The following PCDHAC1 variants were observed in gnomAD, a reference collection of about 807,000 sequenced individuals.
PCDHAC1 encodes protocadherin alpha-C1.
In PCDHAC1, 42 loss-of-function variants were observed where a neutral mutation model predicts 60.0. The ratio of observed to expected loss-of-function variants is 0.70; its 90% CI spans 0.55 to 0.90. The LOEUF (loss-of-function observed/expected upper bound fraction) is 0.90. Among genes scored for constraint, PCDHAC1 ranks in the 40% least tolerant of loss-of-function variants. The pLI is 0.00. For synonymous variants in PCDHAC1, 468 were observed against 499.3 expected (o/e 0.94, Z 0.84); for missense variants, 1,160 against 1,222.3 (o/e 0.95, Z 0.76).
At chr5:140,954,076 C>T (rs941125208) in intron 1 of PCDHAC1, among the ~76,000 whole-genome samples, 4 of 152,150 alleles carry the variant, frequency 2.6e-5, no homozygotes, top group Non-Finnish European at 2.9e-5. Context: ...AGGATAATGG[C>T]TTCCAGCTCC....
At chr5:141,008,488 C>A (rs1300609417) in intron 3 of PCDHAC1, among the ~76,000 whole-genome samples, 1 of 152,124 alleles carries the variant, frequency 6.6e-6, no homozygotes, top group Non-Finnish European at 1.5e-5. Flanking sequence ...CTAGAAGTCA[C>A]TGGTATACTT....
intron 1 of PCDHAC1, chr5:140,966,244 G>C (rs1302762597): frequency 3.2e-6 from 1 of 315,708 alleles, no homozygotes; most frequent in Non-Finnish European, 5.7e-6. Context: ...CGTTAAGCAG[G>C]GGAGAGACGG....
Position 140,928,641 on chromosome 5 carries a change from G to A in PCDHAC1, c.1749G>A (p.Val583=). 6.2e-7 allele frequency: 1 copy of A among 1,614,196 alleles called. No homozygotes were observed. Among genetic ancestry groups the A allele is most frequent in the Non-Finnish European group, 8.5e-7 (1 of 1,180,036 alleles). The change falls in exon 1 of 4, where the codon GTG becomes GTA. Residue 583 remains valine (V), a synonymous_variant. Coordinates refer to ENST00000253807, the MANE Select transcript of PCDHAC1 (RefSeq NM_018898.5). ...GGACTGGACACTTGGTCACAAAAGT[G>A]GTAGCAGAGGATGCTGACAGTGGTT... ...SARTGHLVTK[V]VAEDADSGSN...
At chr5:140,996,926 T>C (rs569386997) in intron 3 of PCDHAC1, among the ~76,000 whole-genome samples, 4 of 152,320 alleles carry the variant, frequency 2.6e-5, no homozygotes, top group Middle Eastern at 3.4e-3. Flanking sequence ...TTAAAAAATA[T>C]AGCATTTTTG....
intron 3 of PCDHAC1, among the ~76,000 whole-genome samples, chr5:141,000,919 A>AT (rs2097975024): frequency 6.6e-6 from 1 of 152,134 alleles, no homozygotes; most frequent in Non-Finnish European, 1.5e-5. Flanking sequence ...AAAAAAAAAA[A>AT]TCCTGTGTGA....
intron 1 of PCDHAC1, among the ~76,000 whole-genome samples, chr5:140,972,609 A>G (rs1344399252): frequency 1.3e-5 from 2 of 151,526 alleles, no homozygotes; most frequent in Non-Finnish European, 2.9e-5. Flanking sequence ...TCTGAACTTG[A>G]TACTGAATGT....
intron 1 of PCDHAC1, among the ~76,000 whole-genome samples, chr5:140,937,771 G>T (rs558321540): frequency 6.6e-6 from 1 of 151,436 alleles, no homozygotes; most frequent in Non-Finnish European, 1.5e-5. Context: ...AATTAGTCGG[G>T]CGTGGTGGCG....
intron 3 of PCDHAC1, among the ~76,000 whole-genome samples, chr5:140,984,867 TA>T (rs1251384308): frequency 6.6e-6 from 1 of 152,180 alleles, no homozygotes; most frequent in Non-Finnish European, 1.5e-5. Context: ...ACACCTATTT[TA>T]TTGAGTTACC....
chr5:140,991,588 C>T (rs1252872687), intron 3 of PCDHAC1, among the ~76,000 whole-genome samples: 3 of 152,212 alleles, frequency 2.0e-5, no homozygotes, highest in African/African-American at 7.2e-5. Flanking sequence ...TTATTTCTAC[C>T]TGAGCCCTCA....
chr5:140,958,066 C>T (rs782243559), intron 1 of PCDHAC1, among the ~76,000 whole-genome samples: 2 of 151,900 alleles, frequency 1.3e-5, no homozygotes, highest in African/African-American at 4.8e-5. Context: ...AGAAAAAACA[C>T]AGAAGCAAAA....
At position 140,998,856 on chromosome 5, in the gene PCDHAC1, C is replaced by T. The variant is rs77103467; in HGVS notation, c.2582-10771C>T. 2.6e-3 allele frequency among the ~76,000 whole-genome samples: 397 copies of T among 152,354 alleles called. 2 individuals carry two copies. Among genetic ancestry groups the T allele is most frequent in the African/African-American group, 9.1e-3 (380 of 41,584 alleles). ...TGGATTACTGGTGTGAGCCACATGC[C>T]TGGCCTTGTAAATAATAAGTTTAGT... On this transcript the variant is annotated intron_variant, in intron 3 of 3. Coordinates refer to ENST00000253807, the MANE Select transcript of PCDHAC1 (RefSeq NM_018898.5).
intron 1 of PCDHAC1, among the ~76,000 whole-genome samples, chr5:140,955,510 T>G (rs1554221967): frequency 6.6e-6 from 1 of 152,154 alleles, no homozygotes; most frequent in Non-Finnish European, 1.5e-5. Context: ...AAAGACGTGT[T>G]TGCTTTCCCT....
At chr5:140,971,884 C>A (rs1216931622) in intron 1 of PCDHAC1, among the ~76,000 whole-genome samples, 1 of 151,602 alleles carries the variant, frequency 6.6e-6, no homozygotes, top group Admixed American at 6.6e-5. Flanking sequence ...AGGAAATAAG[C>A]TCAGGGAGGT....
chr5:140,996,232 T>C (rs1054290986), intron 3 of PCDHAC1, among the ~76,000 whole-genome samples: 13 of 152,302 alleles, frequency 8.5e-5, no homozygotes, highest in South Asian at 4.1e-4. Flanking sequence ...AAATGGTTGC[T>C]CAAGGCTGAG....
chr5:140,993,406 T>G (rs1382987714), intron 3 of PCDHAC1, among the ~76,000 whole-genome samples: 2 of 150,884 alleles, frequency 1.3e-5, no homozygotes, highest in Non-Finnish European at 2.9e-5. Context: ...TTAACCACCT[T>G]CATCAGCATT....
chr5:140,965,174 C>CT (rs1213439654), intron 1 of PCDHAC1, among the ~76,000 whole-genome samples: 4 of 152,228 alleles, frequency 2.6e-5, no homozygotes, highest in Non-Finnish European at 2.9e-5. Flanking sequence ...TTAGTGAGTG[C>CT]TTTTTTTGCA....
intron 1 of PCDHAC1, among the ~76,000 whole-genome samples, chr5:140,948,945 A>C: frequency 6.6e-6 from 1 of 151,662 alleles, no homozygotes; most frequent in East Asian, 1.9e-4. Flanking sequence ...TCTAATATAA[A>C]AAAATTAAAG....
At chr5:140,999,001 C>T (rs1405051280) in intron 3 of PCDHAC1, among the ~76,000 whole-genome samples, 3 of 152,214 alleles carry the variant, frequency 2.0e-5, no homozygotes, top group Non-Finnish European at 4.4e-5. Flanking sequence ...AATGCTGGAG[C>T]TGAGATTTGA....
At chr5:140,955,522 C>A (rs1467341493) in intron 1 of PCDHAC1, among the ~76,000 whole-genome samples, 5 of 152,180 alleles carry the variant, frequency 3.3e-5, no homozygotes, top group African/African-American at 1.2e-4. Context: ...GCTTTCCCTT[C>A]CACCATGATT....
Sources: allele counts gnomAD v4.1 joint callset (sites outside exome capture counted in the v4.1 genomes callset), GRCh38; gene constraint gnomAD v4.1.1; transcripts MANE v1.5; gene names NCBI Gene and HGNC (gene_info 2026-07-23, HGNC 2026-07-21).